Variants in CDC42BPA observed in about 807,000 individuals in gnomAD.
CDC42BPA encodes the protein CDC42 binding protein kinase alpha, also known as serine/threonine-protein kinase MRCK alpha.
Under a neutral mutation model 223.5 loss-of-function variants are expected in CDC42BPA, and 80 were observed. The ratio of observed to expected loss-of-function variants is 0.36; its 90% confidence interval spans 0.30 to 0.43. CDC42BPA has a LOEUF of 0.43. Among genes scored for constraint, CDC42BPA ranks in the 20% least tolerant of loss-of-function variants. The pLI, the probability that CDC42BPA is intolerant of heterozygous loss-of-function variation, is 1.00. For synonymous variants in CDC42BPA, 694 were observed against 718.6 expected (o/e 0.97, Z 0.55); for missense variants, 1,743 against 2,099.9 (o/e 0.83, Z 3.32).
intron 14 of CDC42BPA, among the ~76,000 whole-genome samples, chr1:227,110,334 C>T (rs1162075169): frequency 6.6e-6 from 1 of 152,134 alleles, no homozygotes; most frequent in Non-Finnish European, 1.5e-5. Context: ...CTGGTCTATA[C>T]ATGTTAAATG....
chr1:227,123,807 A>G (rs186358146), intron 11 of CDC42BPA, among the ~76,000 whole-genome samples: 1 of 152,104 alleles, frequency 6.6e-6, no homozygotes, highest in African/African-American at 2.4e-5. Flanking sequence ...AGGCTCCTTT[A>G]TTATCAATGC....
intron 11 of CDC42BPA, among the ~76,000 whole-genome samples, chr1:227,123,142 G>A (rs1340397999): frequency 1.3e-5 from 2 of 152,086 alleles, no homozygotes; most frequent in Non-Finnish European, 2.9e-5. Flanking sequence ...ATCTCTACTA[G>A]TATTACAACA....
intron 1 of CDC42BPA, among the ~76,000 whole-genome samples, chr1:227,288,330 G>C (rs115576012): frequency 1.3e-5 from 2 of 152,070 alleles, no homozygotes; most frequent in Non-Finnish European, 2.9e-5. Flanking sequence ...AGCTGTGATC[G>C]TGCCACTATA....
chr1:227,072,401 G>T, intron 19 of CDC42BPA, 102 bp from the exon 20 acceptor site: 1 of 641,256 alleles, frequency 1.6e-6, no homozygotes, highest in Non-Finnish European at 2.8e-6. Flanking sequence ...TGTCAGGCAT[G>T]GTAAATTAGG....
At chr1:227,043,019 A>T (rs1355678654) in intron 23 of CDC42BPA, among the ~76,000 whole-genome samples, 2 of 152,344 alleles carry the variant, frequency 1.3e-5, no homozygotes, top group Non-Finnish European at 2.9e-5. Flanking sequence ...TTAAAAATTT[A>T]CTGTAGATAA....
chr1:227,186,843 G>T (rs888254861), intron 5 of CDC42BPA, among the ~76,000 whole-genome samples: 1 of 152,160 alleles, frequency 6.6e-6, no homozygotes, highest in African/African-American at 2.4e-5. Context: ...TTGTTTGAAG[G>T]CATTTTACTG....
At chr1:227,310,700 T>G (rs1367181687) in intron 1 of CDC42BPA, among the ~76,000 whole-genome samples, 13 of 151,576 alleles carry the variant, frequency 8.6e-5, no homozygotes, top group African/African-American at 1.2e-4. Flanking sequence ...TTTGTTTTTT[T>G]TTTTGAGACA....
intron 1 of CDC42BPA, among the ~76,000 whole-genome samples, chr1:227,298,984 G>T (rs1371268378): frequency 6.6e-6 from 1 of 152,170 alleles, no homozygotes; most frequent in Non-Finnish European, 1.5e-5. Flanking sequence ...ATGGACAGCT[G>T]TAGAGTAGCA....
Position 227,029,167 on chromosome 1 carries a change from G to A in CDC42BPA, c.3922C>T (p.Arg1308Ter), listed in dbSNP as rs1668790748. ...NDQLVAVISG[R>*]NRHVRLFPMS... is the part of the protein sequence containing the mutation. ...GGAAAAAGTCGTACATGACGATTTCGTCCTGAGATCACAGCAACAAGCTGA... is the reference window on the plus strand; with the variant it reads ...GGAAAAAGTCGTACATGACGATTTCATCCTGAGATCACAGCAACAAGCTGA... The change falls in exon 30 of 37, where the codon CGA becomes TGA. Residue 1308 changes from arginine (R) to a stop codon, truncating the protein, a stop_gained. Transcript: ENST00000366766. LOFTEE classifies it high-confidence loss of function. The A allele has an allele frequency of 6.2e-7, 1 of 1,603,682 alleles. No individual in the cohort carries two copies. The highest frequency in any genetic ancestry group is 8.5e-7 in the Non-Finnish European group (1 of 1,179,920).
At chr1:227,244,550 G>A (rs1280091693) in intron 2 of CDC42BPA, among the ~76,000 whole-genome samples, 2 of 152,000 alleles carry the variant, frequency 1.3e-5, no homozygotes, top group South Asian at 2.1e-4. Flanking sequence ...ATCTTGATCT[G>A]CTTGATGGTT....
chr1:227,156,618 T>TA, intron 6 of CDC42BPA, among the ~76,000 whole-genome samples: 1 of 152,138 alleles, frequency 6.6e-6, no homozygotes, highest in Admixed American at 6.5e-5. Context: ...TCAGAATGAA[T>TA]GACTGGGAGG....
intron 5 of CDC42BPA, 162 bp downstream of exon 5, chr1:227,193,624 A>G (rs933974175): frequency 1.8e-6 from 1 of 550,322 alleles, no homozygotes; most frequent in Non-Finnish European, 3.1e-6. Context: ...ACAAATAATA[A>G]CAACAACAAA....
intron 15 of CDC42BPA, among the ~76,000 whole-genome samples, chr1:227,096,190 T>A (rs1418390433): frequency 6.6e-6 from 1 of 152,146 alleles, no homozygotes; most frequent in Non-Finnish European, 1.5e-5. Context: ...CTACTATCTA[T>A]AGACAGATGT....
chr1:227,160,182 C>T (rs146816891), intron 6 of CDC42BPA, among the ~76,000 whole-genome samples: 33 of 152,262 alleles, frequency 2.2e-4, no homozygotes, highest in Non-Finnish European at 2.5e-4. Flanking sequence ...AGTAAAAGTG[C>T]GGGCAAAGCT....
chr1:227,132,302 C>T (rs1371301402), intron 10 of CDC42BPA, among the ~76,000 whole-genome samples: 3 of 152,108 alleles, frequency 2.0e-5, no homozygotes, highest in East Asian at 1.9e-4. Flanking sequence ...GACTGGTTTT[C>T]GTATTTTTTT....
intron 32 of CDC42BPA, among the ~76,000 whole-genome samples, chr1:227,019,493 A>G (rs2148532064): frequency 6.6e-6 from 1 of 152,288 alleles, no homozygotes; most frequent in African/African-American, 2.4e-5. Context: ...ATACGTTCTT[A>G]ATGGCATCTA....
In CDC42BPA at chr1:227,199,549, A is replaced by G; in HGVS notation, c.450+8T>C. 1 of 1,465,526 alleles carries G rather than the reference A, an allele frequency of 6.8e-7. No homozygotes were observed. The highest frequency in any genetic ancestry group is 9.5e-7 in the Non-Finnish European group (1 of 1,050,480). 90.8% of individuals were successfully genotyped at this position (1,465,526 alleles called of 1,614,324 possible). A position where few individuals can be genotyped will look rare whatever the true frequency, so the allele number is the denominator to read the frequency against. ...AACAGTATATAGAAATACAAAAATG[A>G]TTCTTACTAAGTTATTGTCATCCTG... On this transcript the variant is annotated splice_region_variant and intron_variant, in intron 4 of 36. Coordinates refer to ENST00000366766, the MANE Select transcript of CDC42BPA (RefSeq NM_001394014.1).
At chr1:227,032,399 T>C (rs115859573) in intron 27 of CDC42BPA, among the ~76,000 whole-genome samples, 11 of 152,174 alleles carry the variant, frequency 7.2e-5, no homozygotes, top group African/African-American at 2.4e-4. Flanking sequence ...ACAAGATTCA[T>C]AGACAAATAT....
At chr1:227,281,302 T>TA (rs1314200821) in intron 1 of CDC42BPA, among the ~76,000 whole-genome samples, 2 of 152,132 alleles carry the variant, frequency 1.3e-5, no homozygotes, top group African/African-American at 4.8e-5. Context: ...GTCATTGCCC[T>TA]AACCCTCAGA....
Sources: gnomAD v4.1 joint callset for allele counts (sites outside exome capture counted in the v4.1 genomes callset) on GRCh38, gnomAD v4.1.1 for gene constraint, MANE v1.5 for transcripts, NCBI Gene and HGNC (gene_info 2026-07-23, HGNC 2026-07-21) for gene names.